Variants in ZBTB32 observed in about 807,000 individuals in gnomAD.
The protein encoded by ZBTB32 is zinc finger and BTB domain-containing protein 32.
A neutral mutation model predicts 45.3 loss-of-function variants in ZBTB32; 28 were observed. The observed-to-expected ratio is 0.62, with a 90% confidence interval of 0.46 to 0.85. The LOEUF is 0.85. Among genes scored for constraint, ZBTB32 ranks in the 40% least tolerant of loss-of-function variants. The pLI is 0.00. For missense variants in ZBTB32, 587 were observed against 624.4 expected, an observed-to-expected ratio of 0.94 and a Z score of 0.64; for synonymous variants, 283 against 255.7, an observed-to-expected ratio of 1.11 and a Z score of -1.02.
chr19:35,705,179 C>G (rs1968508304), intron 1 of ZBTB32, among the ~76,000 whole-genome samples: 1 of 152,092 alleles, frequency 6.6e-6, no homozygotes, highest in Non-Finnish European at 1.5e-5. Context: ...CGTGGTGGCA[C>G]ACGTCCGTAA....
rs368537637 is a variant in ZBTB32 at position 35,715,668 on chromosome 19, C to G, written c.882-89C>G. 1.8e-3 allele frequency: 2,665 copies of G among 1,496,750 alleles called. 31 individuals are homozygous for G. Among genetic ancestry groups the G allele is most frequent in the Middle Eastern group, 0.017 (68 of 4,010 alleles). The allele number at this position is 1,496,750 out of a possible 1,614,324, so 92.7% of individuals were successfully genotyped here. Reference sequence around the variant, plus strand: ...ACAGGGCACGCCAAAGCCCAGCCCCCGGGGGAGGACTTGGGATACCCCCTC... The same window carrying G: ...ACAGGGCACGCCAAAGCCCAGCCCCGGGGGGAGGACTTGGGATACCCCCTC... On this transcript the variant is annotated intron_variant, in intron 3 of 6. Coordinates refer to ENST00000392197, the MANE Select transcript of ZBTB32 (RefSeq NM_014383.3).
rs973558548 is a variant in ZBTB32 at position 35,714,672 on chromosome 19, C to T, written c.46C>T (p.Arg16Trp). The T allele has an allele frequency of 4.4e-6, 7 of 1,594,956 alleles. 1 individual carries two copies. The highest frequency in any genetic ancestry group is 1.7e-5 in the Admixed American group (1 of 58,138). ...IRLPSPYGSD[R>W]LVQLAARLRP... The stretch of plus-strand genomic sequence containing the variant: ...ACTGCCCAGCCCCTATGGCTCTGAT[C>T]GGCTGGTACAGCTAGCAGCCAGGCT... The change falls in exon 3 of 7, where the codon CGG (arginine) becomes TGG (tryptophan). Residue 16 changes from arginine (R) to tryptophan (W), a missense_variant. Transcript: ENST00000392197.
At position 35,716,840 on chromosome 19, in the gene ZBTB32, GCGGC is replaced by G; in HGVS notation, c.*90_*93del. On this transcript the variant is annotated 3_prime_UTR_variant, in exon 7 of 7. Transcript: ENST00000392197. Reference sequence around the variant, plus strand: ...CTTCTGACCTGGCACCGCTGCTACGGCGGCCTAGCAAATTCCGCCCCAGAAGCGC... The same window carrying G: ...CTTCTGACCTGGCACCGCTGCTACGGCTAGCAAATTCCGCCCCAGAAGCGC... 2.7e-6 allele frequency: 4 copies of G among 1,489,042 alleles called. No individual in the cohort carries two copies. The highest frequency in any genetic ancestry group is 3.6e-6 in the Non-Finnish European group (4 of 1,108,256). 92.2% of individuals were successfully genotyped at this position (1,489,042 alleles called of 1,614,324 possible).
At chr19:35,713,908 G>C (rs1968775455) in intron 2 of ZBTB32, among the ~76,000 whole-genome samples, 1 of 152,212 alleles carries the variant, frequency 6.6e-6, no homozygotes, top group African/African-American at 2.4e-5. Flanking sequence ...CTCTCCTGTG[G>C]CTTCTGCACC....
At chr19:35,708,976 G>A (rs780701293) in intron 1 of ZBTB32, among the ~76,000 whole-genome samples, 1 of 151,770 alleles carries the variant, frequency 6.6e-6, no homozygotes, top group African/African-American at 2.4e-5. Flanking sequence ...GTGCCGCCAC[G>A]CCCAGCTAAT....
In ZBTB32 at chr19:35,706,517, T is replaced by A. The variant is rs146548684; in HGVS notation, c.-222+1894T>A. ...CAGGTGGATCACCTGAGGTCAGGAG[T>A]TCAAGACCAGCCTGGCCAACGTGGT... On this transcript the variant is annotated intron_variant, in intron 1 of 6. Coordinates refer to ENST00000392197, the MANE Select transcript of ZBTB32 (RefSeq NM_014383.3). Among the ~76,000 whole-genome samples the A allele has an allele frequency of 6.3e-3, 951 of 151,168 alleles. 6 individuals are homozygous for A. The highest frequency in any genetic ancestry group is 0.021 in the African/African-American group (869 of 41,114).
rs1968933176 is a variant in ZBTB32 at position 35,716,906 on chromosome 19, C to T, written c.*154C>T. On this transcript the variant is annotated 3_prime_UTR_variant, in exon 7 of 7. Coordinates refer to ENST00000392197, the MANE Select transcript of ZBTB32 (RefSeq NM_014383.3). ...CGCCGAGTGCCCTCTCCTGGACGAT[C>T]GCGGGTCGCAGAAGCCCAGGCCAGC... 4.6e-6 allele frequency: 4 copies of T among 877,098 alleles called. No homozygotes were observed. In the South Asian group the frequency reaches 7.0e-5, roughly 15 times the overall value. The allele number at this position is 877,098 out of a possible 1,614,324, so 54.3% of individuals were successfully genotyped here.
rs1485708272 is a variant in ZBTB32, at chr19:35,715,258, T to C, written c.632T>C (p.Val211Ala). 1.9e-6 allele frequency: 3 copies of C among 1,590,022 alleles called. No homozygotes were observed. In the South Asian group the frequency reaches 3.4e-5, roughly 18 times the overall value. The change falls in exon 3 of 7, where the codon GTG (valine) becomes GCG (alanine). Residue 211 changes from valine (V) to alanine (A), a missense_variant. Coordinates refer to ENST00000392197, the MANE Select transcript of ZBTB32 (RefSeq NM_014383.3). ...AGGGGAGCAGATGGGAAGCATGGAG[T>C]GCTCACGTGGTTGAGGGAAAATCCA... ...GQRGADGKHG[V>A]LTWLRENPGG...
Position 35,716,018 on chromosome 19 carries a change from C to CGGGG in ZBTB32, c.1024+13_1024+16dup, listed in dbSNP as rs1280205656. 1 of 1,611,020 alleles carries CGGGG rather than the reference C, an allele frequency of 6.2e-7. No individual in the cohort carries two copies. On this transcript the variant is annotated intron_variant, in intron 5 of 6. Coordinates refer to ENST00000392197, the MANE Select transcript of ZBTB32 (RefSeq NM_014383.3). Reference sequence around the variant, plus strand: ...ATCAGGGGCACACAGGTGAGTCGGGCGGGGGCACTCGTGCCTCAGCCCCAC... The same window carrying CGGGG: ...ATCAGGGGCACACAGGTGAGTCGGGCGGGGGGGGGCACTCGTGCCTCAGCCCCAC...
rs2146421437 is a variant in ZBTB32, at chr19:35,716,264, C to T, written c.1156C>T (p.His386Tyr). Residue 386 changes from histidine to tyrosine, a missense_variant, in exon 6 of 7, where the codon CAT becomes TAT. His to Tyr is a moderately conservative substitution (Grantham distance 83, BLOSUM62 2). Coordinates refer to ENST00000392197, the MANE Select transcript of ZBTB32 (RefSeq NM_014383.3). Reference protein sequence around the residue: ...SVCGKRFSLKHQMETHYRVHT... With the variant: ...SVCGKRFSLKYQMETHYRVHT... ...CTGTGGAAAGAGGTTTTCACTCAAG[C>T]ATCAGATGGAGACGCACTACCGAGT... 1 of 1,613,002 alleles carries T rather than the reference C, an allele frequency of 6.2e-7. No individual in the cohort carries two copies. The highest frequency in any genetic ancestry group is 8.5e-7 in the Non-Finnish European group (1 of 1,179,666).
intron 1 of ZBTB32, among the ~76,000 whole-genome samples, chr19:35,710,262 T>G (rs1160020934): frequency 6.6e-6 from 1 of 151,860 alleles, no homozygotes; most frequent in Non-Finnish European, 1.5e-5. Context: ...GAGGCTGATA[T>G]CATATTGCCT....
chr19:35,705,031 C>T (rs1358146519), intron 1 of ZBTB32, among the ~76,000 whole-genome samples: 1 of 152,162 alleles, frequency 6.6e-6, no homozygotes, highest in African/African-American at 2.4e-5. Flanking sequence ...AGGGGCTGGG[C>T]GCGGTGGCTC....
chr19:35,716,396 C>A, intron 6 of ZBTB32, 82 bp from the exon 7 acceptor site: 1 of 1,587,210 alleles, frequency 6.3e-7, no homozygotes, highest in Non-Finnish European at 8.6e-7. Context: ...CCCCTAGCCC[C>A]GTGGCCCGAT....
rs1156329788 is a variant in ZBTB32 at position 35,713,939 on chromosome 19, T to C, written c.-104-584T>C. 3.3e-4 allele frequency among the ~76,000 whole-genome samples: 51 copies of C among 152,240 alleles called. 1 individual carries two copies. Among genetic ancestry groups the C allele is most frequent in the Admixed American group, 3.3e-3 (51 of 15,292 alleles). The stretch of plus-strand genomic sequence containing the variant: ...GCACCTGCTCTCCTCTTTCTCTGGA[T>C]GGGAATGTCTGGTTCCTTCCCTGAG... On this transcript the variant is annotated intron_variant, in intron 2 of 6. Coordinates refer to ENST00000392197, the MANE Select transcript of ZBTB32 (RefSeq NM_014383.3).
chr19:35,714,949 C>G lies in ZBTB32; in HGVS notation c.323C>G (p.Ala108Gly). 6.3e-7 allele frequency: 1 copy of G among 1,584,666 alleles called. No homozygotes were observed. Among genetic ancestry groups the G allele is most frequent in the Non-Finnish European group, 8.6e-7 (1 of 1,165,662 alleles). The part of the protein sequence containing the change: ...RALGVQSLEE[A>G]CWRARGDRAK... Reference sequence around the variant, plus strand: ...TTGGGAGTGCAGTCCCTGGAAGAGGCATGCTGGAGGGCTCGAGGGGACAGG... The same window carrying G: ...TTGGGAGTGCAGTCCCTGGAAGAGGGATGCTGGAGGGCTCGAGGGGACAGG... Residue 108 changes from alanine to glycine, a missense_variant, in exon 3 of 7, where the codon GCA (alanine) becomes GGA (glycine). Physicochemically the swap from Ala to Gly is moderately conservative, Grantham distance 60. Transcript: ENST00000392197.
At chr19:35,706,708 A>G (rs1220670909) in intron 1 of ZBTB32, among the ~76,000 whole-genome samples, 1 of 152,124 alleles carries the variant, frequency 6.6e-6, no homozygotes, top group African/African-American at 2.4e-5. Context: ...CAACAAGGGC[A>G]AAACTCTGTC....
chr19:35,706,559 TA>T (rs1472587722), intron 1 of ZBTB32, among the ~76,000 whole-genome samples: 2 of 151,826 alleles, frequency 1.3e-5, no homozygotes, highest in Non-Finnish European at 2.9e-5. Flanking sequence ...CCATCTCTAC[TA>T]AAAATGCAAA....
chr19:35,714,534 G>A lies in ZBTB32; in HGVS notation c.-93G>A. On this transcript the variant is annotated 5_prime_UTR_variant, in exon 3 of 7. Transcript: ENST00000392197. ...CCTCACATCCACAGGCTTGAAATGA[G>A]ATGAGATGTTCCTCCCTCCCCTTTC... 7.4e-7 allele frequency: 1 copy of A among 1,350,136 alleles called. No homozygotes were observed. The highest frequency in any genetic ancestry group is 1.7e-5 in the South Asian group (1 of 57,300). 83.6% of individuals were successfully genotyped at this position (1,350,136 alleles called of 1,614,324 possible).
intron 1 of ZBTB32, among the ~76,000 whole-genome samples, chr19:35,709,045 C>A (rs914105225): frequency 1.3e-4 from 20 of 152,106 alleles, no homozygotes; most frequent in Non-Finnish European, 2.8e-4. Flanking sequence ...GTCTTGAACT[C>A]CCGACCTCAG....
Sources: allele counts gnomAD v4.1 joint callset (sites outside exome capture counted in the v4.1 genomes callset), GRCh38; gene constraint gnomAD v4.1.1; transcripts MANE v1.5; gene names NCBI Gene and HGNC (gene_info 2026-07-23, HGNC 2026-07-21).